The following NRXN1 variants were observed in gnomAD, a reference collection of about 807,000 sequenced individuals.
The protein encoded by NRXN1 is neurexin 1, also known as neurexin-1.
A neutral mutation model predicts 150.9 loss-of-function variants in NRXN1; 39 were observed. The observed-to-expected ratio is 0.26, with a 90% CI of 0.20 to 0.34. The LOEUF is 0.34. Ranked by LOEUF, NRXN1 falls within the 10% of genes least tolerant of loss-of-function variation. The pLI is 1.00. For synonymous variants in NRXN1, 924 were observed against 757.0 expected, an observed-to-expected ratio of 1.22 and a Z score of -3.62; for missense variants, 1,815 against 1,949.9, an observed-to-expected ratio of 0.93 and a Z score of 1.30.
chr2:50,949,098 T>C (rs1380331371), intron 2 of NRXN1, among the ~76,000 whole-genome samples: 1 of 152,042 alleles, frequency 6.6e-6, no homozygotes, highest in East Asian at 1.9e-4. Flanking sequence ...CTTAGGACTG[T>C]CCTATTAAAA....
intron 18 of NRXN1, among the ~76,000 whole-genome samples, chr2:50,155,123 C>A (rs2058935670): frequency 6.6e-6 from 1 of 151,532 alleles, no homozygotes; most frequent in Non-Finnish European, 1.5e-5. Context: ...TTTACTGCCC[C>A]AGTAATGCGA....
intron 17 of NRXN1, among the ~76,000 whole-genome samples, chr2:50,374,753 T>C (rs1251288067): frequency 1.3e-5 from 2 of 152,200 alleles, no homozygotes; most frequent in Non-Finnish European, 2.9e-5. Flanking sequence ...GAATTAAGAA[T>C]CCTACACAAT....
chr2:50,742,118 C>T, intron 5 of NRXN1, among the ~76,000 whole-genome samples: 1 of 151,996 alleles, frequency 6.6e-6, no homozygotes, highest in Admixed American at 6.6e-5. Context: ...GTAATTTTAT[C>T]ACTTATTTTG....
chr2:50,309,976 G>A (rs1575032247), intron 17 of NRXN1, among the ~76,000 whole-genome samples: 1 of 152,270 alleles, frequency 6.6e-6, no homozygotes, highest in Middle Eastern at 3.4e-3. Context: ...GAGGCCTGAG[G>A]ATTGCTTCTA....
At chr2:50,198,673 TTTATTATTCA>T (rs2061932280) in intron 18 of NRXN1, among the ~76,000 whole-genome samples, 1 of 152,122 alleles carries the variant, frequency 6.6e-6, no homozygotes, top group Admixed American at 6.6e-5. Flanking sequence ...GAAGCAGTCC[TTTATTATTCA>T]AGATGTCATT....
chr2:50,334,151 T>A (rs2077014805), intron 17 of NRXN1, among the ~76,000 whole-genome samples: 1 of 140,990 alleles, frequency 7.1e-6, no homozygotes, highest in Non-Finnish European at 1.5e-5. Flanking sequence ...TAACTAAGAA[T>A]TAGGTCTCTT....
intron 17 of NRXN1, among the ~76,000 whole-genome samples, chr2:50,388,319 T>C (rs370883065): frequency 1.5e-4 from 23 of 152,310 alleles, no homozygotes; most frequent in African/African-American, 5.3e-4. Context: ...CCTACATTTC[T>C]AATTGTTTAT....
rs1220439982 is a variant in NRXN1, at chr2:51,028,257, A to T, written c.17T>A (p.Leu6His). MGTAL[L>H]QRGGCFLLCL... ...CAGAAGAAAACAGCCCCCGCGCTGG[A>T]GCAGCGCCGTCCCCATGCTCGGGGC... The change falls in exon 2 of 23, where the codon CTC (leucine) becomes CAC (histidine). Residue 6 changes from leucine to histidine, a missense_variant. Physicochemically the swap from Leu to His is moderately conservative, Grantham distance 99 (BLOSUM62 -3). Coordinates refer to ENST00000401669, the MANE Select transcript of NRXN1 (RefSeq NM_001330078.2). 1 of 1,455,362 alleles carries T rather than the reference A, an allele frequency of 6.9e-7. No individual in the cohort carries two copies. The allele number at this position is 1,455,362 out of a possible 1,614,324, so 90.2% of individuals were successfully genotyped here.
At chr2:50,966,193 T>A (rs879509935) in intron 2 of NRXN1, among the ~76,000 whole-genome samples, 11 of 151,744 alleles carry the variant, frequency 7.2e-5, no homozygotes, top group African/African-American at 2.4e-4. Context: ...ATCTCTAAAG[T>A]ACTTAGTATC....
intron 5 of NRXN1, among the ~76,000 whole-genome samples, chr2:50,734,350 T>G (rs1698460743): frequency 6.6e-6 from 1 of 152,160 alleles, no homozygotes; most frequent in Non-Finnish European, 1.5e-5. Context: ...GCTGCTGGAT[T>G]GGTACTGAAT....
intron 5 of NRXN1, among the ~76,000 whole-genome samples, chr2:50,687,824 G>C (rs1691475396): frequency 6.6e-6 from 1 of 152,122 alleles, no homozygotes; most frequent in South Asian, 2.1e-4. Flanking sequence ...GACAAACACG[G>C]GCAAGAGAAG....
chr2:50,816,496 G>C (rs1345898890), intron 5 of NRXN1, among the ~76,000 whole-genome samples: 2 of 152,028 alleles, frequency 1.3e-5, no homozygotes, highest in Non-Finnish European at 2.9e-5. Flanking sequence ...CTAAACAGAA[G>C]GAGGAAAAAA....
intron 22 of NRXN1, among the ~76,000 whole-genome samples, chr2:49,931,222 T>G (rs191671282): frequency 6.6e-6 from 1 of 152,298 alleles, no homozygotes; most frequent in East Asian, 1.9e-4. Flanking sequence ...TCACTACTTC[T>G]CTAACCCTCA....
chr2:49,926,580 T>G (rs1013864306), intron 22 of NRXN1, among the ~76,000 whole-genome samples: 1 of 152,178 alleles, frequency 6.6e-6, no homozygotes, highest in Non-Finnish European at 1.5e-5. Flanking sequence ...AAATGAACAG[T>G]TACTACTAAA....
chr2:50,427,744 C>A (rs555500333), intron 17 of NRXN1, among the ~76,000 whole-genome samples: 1 of 152,322 alleles, frequency 6.6e-6, no homozygotes, highest in Admixed American at 6.5e-5. Context: ...TTGAACTTTC[C>A]TTTGGTTCTG....
At chr2:50,008,024 T>G (rs1243076158) in intron 21 of NRXN1, among the ~76,000 whole-genome samples, 1 of 152,140 alleles carries the variant, frequency 6.6e-6, no homozygotes, top group Non-Finnish European at 1.5e-5. Flanking sequence ...TCCAAGAGAT[T>G]AACAACATGA....
intron 21 of NRXN1, 94 bp downstream of exon 21, chr2:50,053,177 A>G: frequency 1.5e-6 from 2 of 1,310,804 alleles, no homozygotes; most frequent in Non-Finnish European, 2.2e-6. Flanking sequence ...AAGATCAGAA[A>G]AATGTTCCAA....
chr2:50,754,906 T>C (rs1167667331), intron 5 of NRXN1, among the ~76,000 whole-genome samples: 5 of 151,932 alleles, frequency 3.3e-5, no homozygotes, highest in Admixed American at 2.0e-4. Flanking sequence ...ACACAAGACA[T>C]TTTTAAAACA....
intron 8 of NRXN1, among the ~76,000 whole-genome samples, chr2:50,603,905 C>A (rs1327130596): frequency 6.6e-6 from 1 of 152,130 alleles, no homozygotes; most frequent in East Asian, 1.9e-4. Flanking sequence ...TTGTTAGTTC[C>A]TTCATGCTTC....
Sources: gnomAD v4.1 joint callset for allele counts (sites outside exome capture counted in the v4.1 genomes callset) on GRCh38, gnomAD v4.1.1 for gene constraint, MANE v1.5 for transcripts, NCBI Gene and HGNC (gene_info 2026-07-23, HGNC 2026-07-21) for gene names.